The following TACR3 variants were observed in gnomAD, a reference collection of about 807,000 sequenced individuals.
TACR3 encodes the protein neuromedin-K receptor.
A neutral mutation model predicts 35.0 loss-of-function variants in TACR3; 34 were observed. That is an observed-to-expected ratio of 0.97 (90% confidence interval 0.74 to 1.30). The LOEUF is 1.30. TACR3 is among the 50% of genes most tolerant of loss of function. The pLI, the probability that TACR3 is intolerant of heterozygous loss-of-function variation, is 0.00. For synonymous variants in TACR3, 233 were observed against 221.1 expected, an observed-to-expected ratio of 1.05 and a Z score of -0.48; for missense variants, 558 against 591.7, an observed-to-expected ratio of 0.94 and a Z score of 0.59.
At chr4:103,656,749 C>G (rs1163957925) in intron 2 of TACR3, among the ~76,000 whole-genome samples, 1 of 151,962 alleles carries the variant, frequency 6.6e-6, no homozygotes, top group African/African-American at 2.4e-5. Context: ...ATGTTTTCTC[C>G]TATATAGGAC....
At chr4:103,678,125 A>T (rs1726212783) in intron 1 of TACR3, among the ~76,000 whole-genome samples, 1 of 152,130 alleles carries the variant, frequency 6.6e-6, no homozygotes, top group South Asian at 2.1e-4. Context: ...AATAATGGCA[A>T]CTAGTGCTCA....
chr4:103,719,427 C>T lies in TACR3; in HGVS notation c.249G>A (p.Trp83Ter). ...ACGCCAGGGACCAGAGCGCGATGCG[C>T]CAGGACGGCTGCACGAACTGGTTGG... ...NLTNQFVQPS[W>*]RIALWSLAYG... Residue 83 changes from tryptophan to a stop codon, truncating the protein, a stop_gained, in exon 1 of 5, where the codon TGG becomes TGA. Transcript: ENST00000304883. LOFTEE classifies it high-confidence loss of function. The T allele has an allele frequency of 6.2e-7, 1 of 1,614,256 alleles. No individual in the cohort carries two copies. Among genetic ancestry groups the T allele is most frequent in the African/African-American group, 1.3e-5 (1 of 75,066 alleles).
At chr4:103,665,362 A>G (rs1311519948) in intron 1 of TACR3, among the ~76,000 whole-genome samples, 1 of 151,836 alleles carries the variant, frequency 6.6e-6, no homozygotes, top group Non-Finnish European at 1.5e-5. Flanking sequence ...TTCATCTAAA[A>G]TTCTTTGATT....
chr4:103,663,866 G>C (rs116140224), intron 1 of TACR3, among the ~76,000 whole-genome samples: 2,254 of 152,280 alleles, frequency 0.015, 58 homozygotes, highest in African/African-American at 0.052. Flanking sequence ...AGAATAAATA[G>C]TCAGATGTGA....
chr4:103,647,619 A>G (rs998291459), intron 3 of TACR3, among the ~76,000 whole-genome samples: 6 of 151,896 alleles, frequency 4.0e-5, no homozygotes, highest in Non-Finnish European at 8.8e-5. Context: ...ATTGTGTGAC[A>G]ATTGTTATTC....
intron 3 of TACR3, among the ~76,000 whole-genome samples, chr4:103,655,478 C>T (rs187961761): frequency 6.6e-6 from 1 of 152,074 alleles, no homozygotes; most frequent in African/African-American, 2.4e-5. Flanking sequence ...TTCCTTTTAA[C>T]TCCACAAATT....
At chr4:103,607,913 T>G (rs906422155) in intron 3 of TACR3, among the ~76,000 whole-genome samples, 1 of 152,124 alleles carries the variant, frequency 6.6e-6, no homozygotes, top group African/African-American at 2.4e-5. Flanking sequence ...GCCAGTCCTG[T>G]AGAATGTTGC....
At chr4:103,698,190 G>GTAGT in intron 1 of TACR3, among the ~76,000 whole-genome samples, 1 of 147,228 alleles carries the variant, frequency 6.8e-6, no homozygotes, top group Non-Finnish European at 1.5e-5. Flanking sequence ...TTTACATCAT[G>GTAGT]TAGTTAGCTA....
In TACR3 at chr4:103,595,915, A is replaced by C. The variant is rs1234938810; in HGVS notation, c.889-4232T>G. On this transcript the variant is annotated intron_variant, in intron 3 of 4. Transcript: ENST00000304883. ...TCCCTCCCCCCTCCCCCCACCCCAC[A>C]ACAGTCCCCAGAGTGTGATGTTCCC... Among the ~76,000 whole-genome samples, 11 of 100,144 alleles carry C rather than the reference A, an allele frequency of 1.1e-4. No homozygotes were observed. The East Asian group carries it at 3.0e-3, about 28-fold the overall frequency. 65.7% of individuals were successfully genotyped at this position (100,144 alleles called of 152,430 possible). A position where few individuals can be genotyped will look rare whatever the true frequency, so the allele number is the denominator to read the frequency against.
At chr4:103,645,282 T>C (rs1164035971) in intron 3 of TACR3, among the ~76,000 whole-genome samples, 1 of 151,932 alleles carries the variant, frequency 6.6e-6, no homozygotes, top group African/African-American at 2.4e-5. Flanking sequence ...GTATAAAATA[T>C]GATGTAAATA....
intron 1 of TACR3, among the ~76,000 whole-genome samples, chr4:103,666,960 A>G (rs1398018301): frequency 2.0e-5 from 3 of 152,164 alleles, no homozygotes; most frequent in African/African-American, 7.2e-5. Context: ...ATTACATATT[A>G]AAAACTTTGA....
At chr4:103,700,952 G>A (rs957939822) in intron 1 of TACR3, among the ~76,000 whole-genome samples, 3 of 152,222 alleles carry the variant, frequency 2.0e-5, no homozygotes, top group African/African-American at 4.8e-5. Flanking sequence ...ATACTGAATG[G>A]GCAAAAACTG....
chr4:103,669,197 A>G (rs116040312), intron 1 of TACR3, among the ~76,000 whole-genome samples: 1 of 152,140 alleles, frequency 6.6e-6, no homozygotes, highest in African/African-American at 2.4e-5. Flanking sequence ...TATTAAAAAT[A>G]ATGGCAAAAA....
intron 3 of TACR3, among the ~76,000 whole-genome samples, chr4:103,626,521 G>A (rs575649092): frequency 2.6e-5 from 4 of 152,186 alleles, no homozygotes; most frequent in East Asian, 3.9e-4. Context: ...AATGTGTGTC[G>A]GTTAGCAAAT....
intron 1 of TACR3, among the ~76,000 whole-genome samples, chr4:103,700,911 A>C (rs1256402331): frequency 6.6e-6 from 1 of 152,288 alleles, no homozygotes; most frequent in African/African-American, 2.4e-5. Context: ...AAATAATAAG[A>C]GCTATCTATG....
chr4:103,681,967 T>C (rs1170200479), intron 1 of TACR3, among the ~76,000 whole-genome samples: 2 of 152,126 alleles, frequency 1.3e-5, no homozygotes, highest in Admixed American at 6.6e-5. Flanking sequence ...ATTTCCAAAC[T>C]TGGAAATTAC....
At chr4:103,598,052 A>T (rs1158990919) in intron 3 of TACR3, among the ~76,000 whole-genome samples, 3 of 152,182 alleles carry the variant, frequency 2.0e-5, no homozygotes, top group Non-Finnish European at 4.4e-5. Context: ...TGGTTGAACT[A>T]GTTTACAGTC....
intron 3 of TACR3, among the ~76,000 whole-genome samples, chr4:103,650,633 TAATA>T (rs2110325656): frequency 1.2e-5 from 1 of 84,468 alleles, no homozygotes; most frequent in South Asian, 2.9e-4. Flanking sequence ...TATAAATATA[TAATA>T]TATATTTAAT....
intron 1 of TACR3, among the ~76,000 whole-genome samples, chr4:103,683,470 CAAAAAAAAAAAAAA>C (rs57761679): frequency 4.7e-5 from 1 of 21,150 alleles, no homozygotes; most frequent in African/African-American, 1.7e-4. Context: ...AAAGACTGAC[CAAAAAAAAAAAAAA>C]AAAAAAAAAA....
Sources: allele counts gnomAD v4.1 joint callset (sites outside exome capture counted in the v4.1 genomes callset), GRCh38; gene constraint gnomAD v4.1.1; transcripts MANE v1.5; gene names NCBI Gene and HGNC (gene_info 2026-07-23, HGNC 2026-07-21).